The following TMC1 variants were observed in gnomAD, a reference collection of about 807,000 sequenced individuals.
The protein encoded by TMC1 is transmembrane channel like 1.
In TMC1, 84 loss-of-function variants were observed where a neutral mutation model predicts 105.8. The observed-to-expected ratio is 0.79, with a 90% CI of 0.67 to 0.95. The LOEUF is 0.95. Among genes scored for constraint, TMC1 ranks in the 40% least tolerant of loss-of-function variants. The pLI, the probability that TMC1 is intolerant of heterozygous loss-of-function variation, is 0.00. For synonymous variants in TMC1, 315 were observed against 311.5 expected (o/e 1.01, Z -0.12); for missense variants, 817 against 914.1 (o/e 0.89, Z 1.37).
intron 2 of TMC1, among the ~76,000 whole-genome samples, chr9:72,590,540 C>G (rs949030193): frequency 6.6e-6 from 1 of 152,186 alleles, no homozygotes; most frequent in Admixed American, 6.6e-5. Context: ...AAAATTCTTT[C>G]GACTCGGTTT....
At chr9:72,594,588 C>T (rs17057949) in intron 2 of TMC1, among the ~76,000 whole-genome samples, 3 of 152,062 alleles carry the variant, frequency 2.0e-5, no homozygotes, top group Non-Finnish European at 4.4e-5. Flanking sequence ...GGTGACATGG[C>T]CTGTTTCGCT....
chr9:72,806,339 C>T lies in TMC1; in HGVS notation c.1695+829C>T, dbSNP rs1341884409. The stretch of plus-strand genomic sequence containing the variant: ...TCACCTCCTGGACGGGGCGGCTGGC[C>T]GGGTGGGGGGCTGACCCCCCCACCT... On this transcript the variant is annotated intron_variant, in intron 18 of 23. Coordinates refer to ENST00000297784, the MANE Select transcript of TMC1 (RefSeq NM_138691.3). 5.9e-4 allele frequency among the ~76,000 whole-genome samples: 72 copies of T among 121,108 alleles called. No individual in the cohort carries two copies. The South Asian group carries it at 0.015, about 25-fold the overall frequency. The allele number at this position is 121,108 out of a possible 152,430, so 79.5% of individuals were successfully genotyped here.
At chr9:72,657,287 G>A (rs1825899946) in intron 5 of TMC1, among the ~76,000 whole-genome samples, 1 of 152,136 alleles carries the variant, frequency 6.6e-6, no homozygotes, top group South Asian at 2.1e-4. Context: ...GCAACATCGG[G>A]GTCATCTCAT....
intron 8 of TMC1, among the ~76,000 whole-genome samples, chr9:72,708,156 G>A (rs1307331175): frequency 6.6e-6 from 1 of 152,086 alleles, no homozygotes; most frequent in Non-Finnish European, 1.5e-5. Flanking sequence ...CTGCTGTTTT[G>A]GTGACCATAG....
At chr9:72,635,556 A>G (rs551186952) in intron 4 of TMC1, among the ~76,000 whole-genome samples, 158 of 152,344 alleles carry the variant, frequency 1.0e-3, no homozygotes, top group African/African-American at 3.8e-3. Context: ...AACACTATAT[A>G]TATCTTATTA....
chr9:72,551,695 C>T (rs1009122510), intron 1 of TMC1, among the ~76,000 whole-genome samples: 2 of 152,116 alleles, frequency 1.3e-5, no homozygotes, highest in Non-Finnish European at 2.9e-5. Context: ...GTCCTAGTCT[C>T]CAGGACCTGT....
At chr9:72,820,157 T>C (rs964004649) in intron 19 of TMC1, among the ~76,000 whole-genome samples, 7 of 152,234 alleles carry the variant, frequency 4.6e-5, no homozygotes, top group African/African-American at 1.7e-4. Flanking sequence ...TATAAGCTAG[T>C]TATAAATTTT....
intron 19 of TMC1, among the ~76,000 whole-genome samples, chr9:72,819,232 A>C (rs886745924): frequency 1.3e-5 from 2 of 152,250 alleles, no homozygotes; most frequent in African/African-American, 4.8e-5. Flanking sequence ...AAAACCACAC[A>C]GGACTTTTAA....
chr9:72,602,789 G>T (rs1177919686), intron 2 of TMC1, among the ~76,000 whole-genome samples: 2 of 152,154 alleles, frequency 1.3e-5, no homozygotes, highest in African/African-American at 2.4e-5. Flanking sequence ...TGAGATGAAT[G>T]CTGTTCTTTG....
intron 6 of TMC1, among the ~76,000 whole-genome samples, chr9:72,693,596 AAAT>A (rs1231378485): frequency 6.6e-6 from 1 of 152,152 alleles, no homozygotes; most frequent in Non-Finnish European, 1.5e-5. Context: ...TTTTCCATTG[AAAT>A]ATAATTTTTT....
chr9:72,726,961 T>C (rs1234143281), intron 8 of TMC1, among the ~76,000 whole-genome samples: 1 of 152,198 alleles, frequency 6.6e-6, no homozygotes, highest in African/African-American at 2.4e-5. Context: ...CAGAATTCAT[T>C]AGAACATGTT....
chr9:72,644,968 G>A (rs1052459024), intron 4 of TMC1, among the ~76,000 whole-genome samples: 7 of 152,198 alleles, frequency 4.6e-5, no homozygotes, highest in South Asian at 2.1e-4. Context: ...CAAATTTATC[G>A]TGAAGCGTGG....
Position 72,718,533 on chromosome 9 carries a change from GCA to G in TMC1, c.362+17893_362+17894del. On this transcript the variant is annotated intron_variant, in intron 8 of 23. Transcript: ENST00000297784. ...TCTGGGCTGGCACTGGGGGATGTCT[GCA>G]CAGAGTCCTGTGATGTGAACCATCT... is the stretch of plus-strand genomic sequence containing the variant. Among the ~76,000 whole-genome samples the G allele has an allele frequency of 1.3e-5, 2 of 152,330 alleles. 1 individual carries two copies. The highest frequency in any genetic ancestry group is 4.1e-4 in the South Asian group (2 of 4,830).
intron 2 of TMC1, among the ~76,000 whole-genome samples, chr9:72,607,570 C>T (rs191288352): frequency 4.0e-3 from 591 of 149,172 alleles, no homozygotes; most frequent in Middle Eastern, 6.9e-3. Flanking sequence ...GAGCCGAGAT[C>T]GCGCCACTGC....
intron 1 of TMC1, among the ~76,000 whole-genome samples, chr9:72,534,477 G>T (rs571074675): frequency 6.6e-6 from 1 of 152,088 alleles, no homozygotes; most frequent in Non-Finnish European, 1.5e-5. Context: ...GAACATTCTG[G>T]AAAATTCTTT....
chr9:72,658,001 C>G (rs1029168073), intron 5 of TMC1, among the ~76,000 whole-genome samples: 2 of 152,194 alleles, frequency 1.3e-5, no homozygotes, highest in Admixed American at 1.3e-4. Context: ...AGTCAGTTCC[C>G]ATCAATGCAG....
intron 4 of TMC1, among the ~76,000 whole-genome samples, chr9:72,645,983 T>C (rs1219817181): frequency 6.6e-6 from 1 of 152,210 alleles, no homozygotes; most frequent in East Asian, 1.9e-4. Context: ...ATATTTTTCA[T>C]TTTAATCTTT....
At chr9:72,641,116 C>T (rs373242172) in intron 4 of TMC1, among the ~76,000 whole-genome samples, 1 of 152,092 alleles carries the variant, frequency 6.6e-6, no homozygotes, top group African/African-American at 2.4e-5. Flanking sequence ...CTTTTTAAGA[C>T]AGGGCCTCAC....
intron 3 of TMC1, among the ~76,000 whole-genome samples, chr9:72,624,254 A>G (rs1057008955): frequency 2.0e-5 from 3 of 152,144 alleles, no homozygotes; most frequent in Admixed American, 1.3e-4. Flanking sequence ...GCTTTCCTGC[A>G]CAAGAACTGG....
Sources: gnomAD v4.1 joint callset for allele counts (sites outside exome capture counted in the v4.1 genomes callset) on GRCh38, gnomAD v4.1.1 for gene constraint, MANE v1.5 for transcripts, NCBI Gene and HGNC (gene_info 2026-07-23, HGNC 2026-07-21) for gene names.